The following FAM20B variants were observed in gnomAD, a reference collection of about 807,000 sequenced individuals.
FAM20B encodes FAM20B glycosaminoglycan xylosylkinase.
A neutral mutation model predicts 43.8 loss-of-function variants in FAM20B; 23 were observed. The ratio of observed to expected loss-of-function variants is 0.53; its 90% CI spans 0.38 to 0.74. The LOEUF (loss-of-function observed/expected upper bound fraction) is 0.74. Among genes scored for constraint, FAM20B ranks in the 30% least tolerant of loss-of-function variants. The probability of loss-of-function intolerance (pLI) is 0.00; values close to 1 mark genes in which losing one functional copy is unlikely to be tolerated. For synonymous variants in FAM20B, 178 were observed against 192.4 expected, an observed-to-expected ratio of 0.93 and a Z score of 0.62; for missense variants, 440 against 510.5, an observed-to-expected ratio of 0.86 and a Z score of 1.33.
intron 3 of FAM20B, among the ~76,000 whole-genome samples, chr1:179,052,452 T>C (rs1388389562): frequency 6.6e-6 from 1 of 152,256 alleles, no homozygotes; most frequent in African/African-American, 2.4e-5. Context: ...TGTTTCAGTC[T>C]TTTTGTTAAG....
chr1:179,030,191 A>G (rs1557864780), intron 1 of FAM20B, among the ~76,000 whole-genome samples: 2 of 152,074 alleles, frequency 1.3e-5, no homozygotes, highest in Non-Finnish European at 1.5e-5. Flanking sequence ...GAACTTTGTA[A>G]CCACTTATTT....
At chr1:179,057,128 T>C (rs1257348847) in intron 4 of FAM20B, among the ~76,000 whole-genome samples, 2 of 152,234 alleles carry the variant, frequency 1.3e-5, no homozygotes, top group East Asian at 3.9e-4. Flanking sequence ...GCAGATCACT[T>C]GAGGGCGGGA....
upstream of FAM20B, among the ~76,000 whole-genome samples, chr1:179,021,750 C>T (rs1276766107): frequency 2.0e-5 from 3 of 152,012 alleles, no homozygotes; most frequent in African/African-American, 7.2e-5. Flanking sequence ...GAAAACATCC[C>T]GTATTACTTT....
chr1:179,028,996 A>G (rs1244710900), intron 1 of FAM20B, among the ~76,000 whole-genome samples: 1 of 152,256 alleles, frequency 6.6e-6, no homozygotes, highest in Non-Finnish European at 1.5e-5. Context: ...GTTCTAAACC[A>G]CCTGGAGCCT....
In FAM20B at chr1:179,042,184, C is replaced by T. The variant is rs115401809; in HGVS notation, c.-133-1531C>T. Among the ~76,000 whole-genome samples, 1,304 of 152,300 alleles carry T rather than the reference C, an allele frequency of 8.6e-3. 17 individuals are homozygous for T. The highest frequency in any genetic ancestry group is 0.03 in the African/African-American group (1,232 of 41,562). On this transcript the variant is annotated intron_variant, in intron 1 of 7. Coordinates refer to ENST00000263733, the MANE Select transcript of FAM20B (RefSeq NM_014864.4). ...TCAGCCTTGCAGGCCGTGCTCAGCTCGTACTACTGGCCTGGATCTTATACC... is the reference window on the plus strand; with the variant it reads ...TCAGCCTTGCAGGCCGTGCTCAGCTTGTACTACTGGCCTGGATCTTATACC...
At chr1:179,068,537 G>A (rs1651786119) in intron 7 of FAM20B, among the ~76,000 whole-genome samples, 1 of 152,022 alleles carries the variant, frequency 6.6e-6, no homozygotes. Context: ...CCATGTTCAA[G>A]TGATTCTCCT....
chr1:179,063,336 A>C (rs889479944), intron 4 of FAM20B, among the ~76,000 whole-genome samples: 1 of 152,190 alleles, frequency 6.6e-6, no homozygotes, highest in Admixed American at 6.5e-5. Flanking sequence ...CTATAATCCC[A>C]GCATTTTGAG....
intron 1 of FAM20B, chr1:179,035,636 CTTCTT>C (rs1410504289): frequency 9.0e-6 from 4 of 446,522 alleles, no homozygotes; most frequent in African/African-American, 6.1e-5. Context: ...ACTTTTGTTC[CTTCTT>C]TTCTTTGTCA....
chr1:179,031,389 T>C (rs1052036661), intron 1 of FAM20B, among the ~76,000 whole-genome samples: 2 of 152,234 alleles, frequency 1.3e-5, no homozygotes, highest in African/African-American at 4.8e-5. Flanking sequence ...TCGCTAGCAG[T>C]ATGAGCTAAA....
chr1:179,017,959 C>A, the FAM20B span, among the ~76,000 whole-genome samples: 5 of 152,192 alleles, frequency 3.3e-5, no homozygotes, highest in African/African-American at 1.2e-4. Flanking sequence ...AAACTGCAGA[C>A]GTGTGAAAGA....
chr1:179,063,020 T>C (rs529267747), intron 4 of FAM20B, among the ~76,000 whole-genome samples: 74 of 151,750 alleles, frequency 4.9e-4, no homozygotes, highest in Non-Finnish European at 1.8e-4. Context: ...CTCACACCTG[T>C]AATCCCAGCA....
At chr1:179,063,591 A>C (rs540537093) in intron 4 of FAM20B, among the ~76,000 whole-genome samples, 118 of 152,262 alleles carry the variant, frequency 7.7e-4, no homozygotes, top group African/African-American at 2.8e-3. Flanking sequence ...CTGTCTCAAA[A>C]CAACAACAAC....
chr1:179,026,646 C>G (rs899427802), intron 1 of FAM20B, among the ~76,000 whole-genome samples: 1 of 152,230 alleles, frequency 6.6e-6, no homozygotes. Flanking sequence ...GCCCGGGGCC[C>G]GCGGTCTCCT....
chr1:179,066,774 T>C, intron 6 of FAM20B, 26 bp from the exon 7 acceptor site: 1 of 1,541,572 alleles, frequency 6.5e-7, no homozygotes, highest in African/African-American at 1.4e-5. Flanking sequence ...TCCACCTAAT[T>C]CACTAAGTTT....
At chr1:179,068,317 T>C (rs577328636) in intron 7 of FAM20B, among the ~76,000 whole-genome samples, 10 of 152,338 alleles carry the variant, frequency 6.6e-5, no homozygotes, top group African/African-American at 1.7e-4. Context: ...AGCAGTGATA[T>C]ATACAATCAA....
intron 7 of FAM20B, among the ~76,000 whole-genome samples, chr1:179,068,930 A>G (rs1291648369): frequency 2.0e-5 from 3 of 152,160 alleles, no homozygotes; most frequent in Non-Finnish European, 4.4e-5. Context: ...AGCCAGAAGC[A>G]ACTCTCCAGA....
At chr1:179,038,991 T>C (rs1036809962) in intron 1 of FAM20B, among the ~76,000 whole-genome samples, 1 of 152,260 alleles carries the variant, frequency 6.6e-6, no homozygotes, top group African/African-American at 2.4e-5. Context: ...AATACATTGC[T>C]CTGATAAGCT....
intron 1 of FAM20B, among the ~76,000 whole-genome samples, chr1:179,026,700 A>G (rs1195528063): frequency 6.6e-6 from 1 of 152,158 alleles, no homozygotes; most frequent in African/African-American, 2.4e-5. Context: ...AACTTAACGA[A>G]TGCTGTGTTA....
intron 6 of FAM20B, among the ~76,000 whole-genome samples, chr1:179,065,806 A>G (rs1483202030): frequency 6.6e-6 from 1 of 152,216 alleles, no homozygotes; most frequent in Non-Finnish European, 1.5e-5. Flanking sequence ...AGACTGGGTA[A>G]TTCATAAGCA....
Sources: gnomAD v4.1 joint callset for allele counts (sites outside exome capture counted in the v4.1 genomes callset) on GRCh38, gnomAD v4.1.1 for gene constraint, MANE v1.5 for transcripts, NCBI Gene and HGNC (gene_info 2026-07-23, HGNC 2026-07-21) for gene names.